The following CCDC178 variants were observed in gnomAD, a reference collection of about 807,000 sequenced individuals.
CCDC178 encodes the protein coiled-coil domain-containing protein 178.
A neutral mutation model predicts 117.4 loss-of-function variants in CCDC178; 126 were observed. The ratio of observed to expected loss-of-function variants is 1.07; its 90% CI spans 0.93 to 1.24. The LOEUF is 1.24. CCDC178 is among the 50% of genes most tolerant of loss of function. CCDC178 has a pLI of 0.00. For missense variants in CCDC178, 1,030 were observed against 986.9 expected (o/e 1.04, Z -0.59); for synonymous variants, 283 against 313.4 (o/e 0.90, Z 1.02).
chr18:33,203,429 T>G (rs1219532298), intron 20 of CCDC178, among the ~76,000 whole-genome samples: 1 of 152,192 alleles, frequency 6.6e-6, no homozygotes, highest in African/African-American at 2.4e-5. Context: ...TTGCCTTTCT[T>G]GTCTCTGCTT....
At chr18:33,205,092 A>G (rs1482545297) in intron 20 of CCDC178, among the ~76,000 whole-genome samples, 1 of 152,138 alleles carries the variant, frequency 6.6e-6, no homozygotes, top group Admixed American at 6.5e-5. Context: ...ATATAACTAA[A>G]AGTGGAATGT....
chr18:33,257,599 G>A (rs1485756542), intron 14 of CCDC178, among the ~76,000 whole-genome samples: 1 of 152,062 alleles, frequency 6.6e-6, no homozygotes, highest in African/African-American at 2.4e-5. Context: ...TGTAAGCCCA[G>A]CTCTTCATTT....
At chr18:32,967,306 G>C (rs552734609) in intron 22 of CCDC178, among the ~76,000 whole-genome samples, 1 of 150,620 alleles carries the variant, frequency 6.6e-6, no homozygotes, top group Non-Finnish European at 1.5e-5. Flanking sequence ...TTGTGGATTT[G>C]TCTAGTTTTC....
At chr18:33,286,338 G>C (rs993889636) in intron 12 of CCDC178, among the ~76,000 whole-genome samples, 1 of 152,112 alleles carries the variant, frequency 6.6e-6, no homozygotes, top group African/African-American at 2.4e-5. Context: ...TGAATACTGT[G>C]TAATGAAACA....
At chr18:33,175,582 G>T (rs777842499) in intron 20 of CCDC178, among the ~76,000 whole-genome samples, 1 of 152,090 alleles carries the variant, frequency 6.6e-6, no homozygotes, top group East Asian at 1.9e-4. Flanking sequence ...TTTGAACTTC[G>T]CAGAGGCAGT....
intron 20 of CCDC178, among the ~76,000 whole-genome samples, chr18:33,157,471 T>C (rs1190386005): frequency 1.3e-5 from 2 of 152,186 alleles, no homozygotes; most frequent in Admixed American, 1.3e-4. Context: ...TGGAATGATA[T>C]TAATACAGAC....
At position 33,042,741 on chromosome 18, in the gene CCDC178, A is replaced by G. The variant is rs543524261; in HGVS notation, c.2388+50020T>C. 7.2e-5 allele frequency among the ~76,000 whole-genome samples: 11 copies of G among 151,780 alleles called. No individual in the cohort carries two copies. In the South Asian group the frequency reaches 1.0e-3, roughly 14 times the overall value. ...TTATGACAGTTGCAACTTACTTTCA[A>G]ATGGTTCAGCAAAAACTAGCTTGAG... On this transcript the variant is annotated intron_variant, in intron 21 of 22. Coordinates refer to ENST00000383096, the MANE Select transcript of CCDC178 (RefSeq NM_001105528.4).
chr18:32,983,717 G>A (rs1355141961), intron 21 of CCDC178, among the ~76,000 whole-genome samples: 1 of 151,982 alleles, frequency 6.6e-6, no homozygotes, highest in African/African-American at 2.4e-5. Flanking sequence ...TCTGCTTGTT[G>A]TAAGTTTTCA....
chr18:33,197,439 A>T (rs2058943870), intron 20 of CCDC178, among the ~76,000 whole-genome samples: 1 of 152,050 alleles, frequency 6.6e-6, no homozygotes, highest in African/African-American at 2.4e-5. Context: ...CTTTCAGGAT[A>T]TTTGTGTGTA....
intron 2 of CCDC178, among the ~76,000 whole-genome samples, chr18:33,416,092 A>G (rs1322940037): frequency 1.3e-5 from 2 of 152,178 alleles, no homozygotes; most frequent in East Asian, 3.9e-4. Context: ...GAGGGAATGC[A>G]TTTAGACAGT....
intron 6 of CCDC178, among the ~76,000 whole-genome samples, chr18:33,359,643 A>G (rs2063100249): frequency 6.6e-6 from 1 of 151,672 alleles, no homozygotes; most frequent in Admixed American, 6.6e-5. Context: ...TTCACTTGTC[A>G]TAAACATTTG....
At chr18:32,957,406 A>C (rs911434656) in intron 22 of CCDC178, among the ~76,000 whole-genome samples, 2 of 152,176 alleles carry the variant, frequency 1.3e-5, no homozygotes, top group Admixed American at 1.3e-4. Context: ...TAGCAGCAGA[A>C]GGTGGGATCA....
At chr18:33,219,124 C>A (rs1394190270) in intron 18 of CCDC178, among the ~76,000 whole-genome samples, 2 of 152,068 alleles carry the variant, frequency 1.3e-5, no homozygotes, top group Non-Finnish European at 2.9e-5. Flanking sequence ...TCTTTTATTT[C>A]ATTGAGCAGT....
chr18:33,183,245 ATTCTCAAATTGTTTCAC>A (rs2058751596), intron 20 of CCDC178, among the ~76,000 whole-genome samples: 1 of 152,018 alleles, frequency 6.6e-6, no homozygotes, highest in Non-Finnish European at 1.5e-5. Context: ...AAGACTTTTA[ATTCTCAAATTGTTTCAC>A]TTCAATAACT....
At chr18:33,066,514 G>A (rs2057019602) in intron 21 of CCDC178, among the ~76,000 whole-genome samples, 1 of 152,060 alleles carries the variant, frequency 6.6e-6, no homozygotes, top group Admixed American at 6.5e-5. Flanking sequence ...TAATAACTTT[G>A]AATATAAAAA....
At chr18:33,143,722 A>G (rs2058236536) in intron 20 of CCDC178, among the ~76,000 whole-genome samples, 1 of 152,144 alleles carries the variant, frequency 6.6e-6, no homozygotes, top group Non-Finnish European at 1.5e-5. Flanking sequence ...GTGGAATATT[A>G]GTGTAAAAGT....
chr18:33,345,362 T>A (rs1374457132), intron 9 of CCDC178, among the ~76,000 whole-genome samples: 1 of 152,168 alleles, frequency 6.6e-6, no homozygotes, highest in Admixed American at 6.5e-5. Flanking sequence ...TCTTTAATCC[T>A]TCACCATAGG....
intron 11 of CCDC178, among the ~76,000 whole-genome samples, chr18:33,294,495 G>T (rs1321974669): frequency 1.3e-5 from 2 of 152,144 alleles, no homozygotes; most frequent in Non-Finnish European, 1.5e-5. Context: ...TATATGGTGT[G>T]CTTATTGAAT....
At chr18:32,999,770 C>T (rs1024240466) in intron 21 of CCDC178, among the ~76,000 whole-genome samples, 3 of 152,164 alleles carry the variant, frequency 2.0e-5, no homozygotes, top group African/African-American at 4.8e-5. Flanking sequence ...GTAAGAGCCA[C>T]ATTTTACTGG....
Sources: gnomAD v4.1 joint callset for allele counts (sites outside exome capture counted in the v4.1 genomes callset) on GRCh38, gnomAD v4.1.1 for gene constraint, MANE v1.5 for transcripts, NCBI Gene and HGNC (gene_info 2026-07-23, HGNC 2026-07-21) for gene names.